Variants in PIEZO2 observed in about 807,000 individuals in gnomAD.
PIEZO2 encodes the protein piezo type mechanosensitive ion channel component 2.
A neutral mutation model predicts 337.3 loss-of-function variants in PIEZO2; 172 were observed. The ratio of observed to expected loss-of-function variants is 0.51; its 90% CI spans 0.45 to 0.58. The LOEUF is 0.58. Among genes scored for constraint, PIEZO2 ranks in the 20% least tolerant of loss-of-function variants. The pLI is 0.00. For synonymous variants in PIEZO2, 1,251 were observed against 1,228.5 expected (o/e 1.02, Z -0.38); for missense variants, 3,028 against 3,391.3 (o/e 0.89, Z 2.66).
chr18:10,914,988 TG>T (rs1306616789), intron 3 of PIEZO2, among the ~76,000 whole-genome samples: 2 of 149,726 alleles, frequency 1.3e-5, no homozygotes, highest in African/African-American at 4.9e-5. Context: ...AATCCAGCTC[TG>T]CCTGTCCATT....
intron 3 of PIEZO2, among the ~76,000 whole-genome samples, chr18:10,912,703 G>A (rs2145082794): frequency 6.6e-6 from 1 of 152,300 alleles, no homozygotes; most frequent in East Asian, 1.9e-4. Flanking sequence ...AGAGGAGTAG[G>A]AGGCCCCAGG....
rs1215823381 is a variant in PIEZO2, at chr18:10,986,377, A to T, written c.161-6717T>A. On this transcript the variant is annotated intron_variant, in intron 2 of 55. Coordinates refer to ENST00000674853, the MANE Select transcript of PIEZO2 (RefSeq NM_001378183.1). ...CTGAATTCAATGACACATTAAAAGGATTATATACCATAATCAAGTGGAATT... is the reference window on the plus strand; with the variant it reads ...CTGAATTCAATGACACATTAAAAGGTTTATATACCATAATCAAGTGGAATT... Among the ~76,000 whole-genome samples the T allele has an allele frequency of 2.6e-5, 4 of 152,040 alleles. No individual in the cohort carries two copies. In the East Asian group the frequency reaches 7.7e-4, roughly 29 times the overall value.
rs1348277263 is a variant in PIEZO2, at chr18:10,945,061, A to G, written c.287-33833T>C. Among the ~76,000 whole-genome samples the G allele has an allele frequency of 6.6e-6, 1 of 152,160 alleles. No individual in the cohort carries two copies. The highest frequency in any genetic ancestry group is 1.5e-5 in the Non-Finnish European group (1 of 68,030). ...AATGCTACAGTTCACAGGAAAGAGTATTAGAGAATAGATTGCAGCACAGAA... is the reference window on the plus strand; with the variant it reads ...AATGCTACAGTTCACAGGAAAGAGTGTTAGAGAATAGATTGCAGCACAGAA... On this transcript the variant is annotated intron_variant, in intron 3 of 55. Coordinates refer to ENST00000674853, the MANE Select transcript of PIEZO2 (RefSeq NM_001378183.1). The surrounding 1 kb of genome is among the most constrained non-coding windows in gnomAD (Gnocchi z 4.0).
intron 11 of PIEZO2, among the ~76,000 whole-genome samples, chr18:10,799,878 C>G (rs915785741): frequency 6.6e-6 from 1 of 150,652 alleles, no homozygotes; most frequent in African/African-American, 2.4e-5. Context: ...GAGGCTGAGG[C>G]AGGAGAATGG....
chr18:10,775,018 C>T lies in PIEZO2; in HGVS notation c.2535-980G>A, dbSNP rs966943202. The stretch of plus-strand genomic sequence containing the variant: ...CATGCCTATCATTTTGGGTAACTGT[C>T]GTAAGGAATCCACATTGTCCCTACG... On this transcript the variant is annotated intron_variant, in intron 18 of 55. Coordinates refer to ENST00000674853, the MANE Select transcript of PIEZO2 (RefSeq NM_001378183.1). The surrounding 1 kb of genome is among the most constrained non-coding windows in gnomAD (Gnocchi z 4.3). 1.3e-5 allele frequency among the ~76,000 whole-genome samples: 2 copies of T among 152,152 alleles called. No homozygotes were observed. Among genetic ancestry groups the T allele is most frequent in the Admixed American group, 6.5e-5 (1 of 15,268 alleles).
chr18:10,974,053 G>A (rs2034344178), intron 3 of PIEZO2, among the ~76,000 whole-genome samples: 1 of 152,144 alleles, frequency 6.6e-6, no homozygotes, highest in Admixed American at 6.5e-5. Context: ...CAAGGGATGA[G>A]TCAGCACTTG....
In PIEZO2 at chr18:11,148,485, C is replaced by G. The variant is rs1194804658; in HGVS notation, c.64+40G>C. 3.9e-6 allele frequency: 6 copies of G among 1,534,144 alleles called. No individual in the cohort carries two copies. The highest frequency in any genetic ancestry group is 3.9e-5 in the Admixed American group (2 of 50,960). On this transcript the variant is annotated intron_variant, in intron 1 of 55. Coordinates refer to ENST00000674853, the MANE Select transcript of PIEZO2 (RefSeq NM_001378183.1). This position sits in a 1 kb window ranked among gnomAD's most constrained non-coding sequence, Gnocchi z 5.2. ...AAGTCCCCCACCCAGGCGCCCCCCT[C>G]GTCCTCCTCAAGTGCCCTCGGAAAG...
Position 11,149,530 on chromosome 18 carries a change from G to A in PIEZO2, c.-942C>T, listed in dbSNP as rs1232508507. ...CTTGCAGCCTCGCCCTCGCGGCGCAGCCGGGGCTCCCCGGCGGCGCGCGCT... is the reference window on the plus strand; with the variant it reads ...CTTGCAGCCTCGCCCTCGCGGCGCAACCGGGGCTCCCCGGCGGCGCGCGCT... On this transcript the variant is annotated 5_prime_UTR_variant, in exon 1 of 56. Coordinates refer to ENST00000674853, the MANE Select transcript of PIEZO2 (RefSeq NM_001378183.1). This position sits in a 1 kb window ranked among gnomAD's most constrained non-coding sequence, Gnocchi z 8.7. Among the ~76,000 whole-genome samples the A allele has an allele frequency of 6.6e-6, 1 of 151,710 alleles. No individual in the cohort carries two copies. The highest frequency in any genetic ancestry group is 1.5e-5 in the Non-Finnish European group (1 of 67,876).
At chr18:10,723,908 A>C (rs960610080) in intron 36 of PIEZO2, among the ~76,000 whole-genome samples, 1 of 152,190 alleles carries the variant, frequency 6.6e-6, no homozygotes, top group African/African-American at 2.4e-5. Context: ...TGGCATAAGC[A>C]TGGGGCCCTC....
rs2034168093 is a variant in PIEZO2 at position 10,969,933 on chromosome 18, A to T, written c.286+9602T>A. ...TCCTTTTTTTGGCTGCTATTAATTC[A>T]TTTATTCATTCTTCAATTGTTGGGC... On this transcript the variant is annotated intron_variant, in intron 3 of 55. Transcript: ENST00000674853. This position sits in a 1 kb window ranked among gnomAD's most constrained non-coding sequence, Gnocchi z 4.5. 1.3e-5 allele frequency among the ~76,000 whole-genome samples: 2 copies of T among 151,974 alleles called. No individual in the cohort carries two copies. The highest frequency in any genetic ancestry group is 4.8e-5 in the African/African-American group (2 of 41,376).
chr18:10,731,651 A>G, intron 35 of PIEZO2, 130 bp from the exon 36 acceptor site: 1 of 482,074 alleles, frequency 2.1e-6, no homozygotes. Flanking sequence ...GGCTATTTTT[A>G]TTATCATGAG....
rs974702282 is a variant in PIEZO2, at chr18:10,873,539, G to A, written c.330-2124C>T. Among the ~76,000 whole-genome samples, 6 of 152,174 alleles carry A rather than the reference G, an allele frequency of 3.9e-5. No homozygotes were observed. The East Asian group carries it at 9.7e-4, about 24-fold the overall frequency. ...ATTATTTACCTACTGTTTGCAAGCT[G>A]ATTTGTTCATTTAACATGTCATTAA... On this transcript the variant is annotated intron_variant, in intron 4 of 55. Coordinates refer to ENST00000674853, the MANE Select transcript of PIEZO2 (RefSeq NM_001378183.1).
intron 36 of PIEZO2, among the ~76,000 whole-genome samples, chr18:10,723,290 A>T (rs922418560): frequency 2.6e-5 from 4 of 152,080 alleles, no homozygotes; most frequent in African/African-American, 9.7e-5. Flanking sequence ...GATTAACTGT[A>T]TTGGGTGCTG....
chr18:11,107,915 G>A (rs984933488), intron 1 of PIEZO2, among the ~76,000 whole-genome samples: 4 of 152,244 alleles, frequency 2.6e-5, no homozygotes, highest in South Asian at 2.1e-4. Context: ...CACAGTATAC[G>A]TTACTAAACT....
Position 11,035,988 on chromosome 18 carries a change from A to C in PIEZO2, c.160+30139T>G, listed in dbSNP as rs7231758. On this transcript the variant is annotated intron_variant, in intron 2 of 55. Transcript: ENST00000674853. The surrounding 1 kb of genome is among the most constrained non-coding windows in gnomAD (Gnocchi z 4.3). ...TGAAGCACAGGTGCTCAGTTGGGGC[A>C]CACCTTGGAGTCACCTGGGATCTGT... 0.22 allele frequency among the ~76,000 whole-genome samples: 33,326 copies of C among 152,104 alleles called. 4,421 individuals carry two copies. Among genetic ancestry groups the C allele is most frequent in the African/African-American group, 0.37 (15,389 of 41,462 alleles).
chr18:10,725,091 G>A (rs541221269), intron 36 of PIEZO2: 41 of 1,497,186 alleles, frequency 2.7e-5, no homozygotes, highest in Non-Finnish European at 3.3e-5. Context: ...TCTTTCAGTC[G>A]CATTACACCT....
In PIEZO2 at chr18:10,672,833, G is replaced by T. The variant is rs2033839015; in HGVS notation, c.8202C>A (p.Asp2734Glu). ...ACTCACTGTTATATTTAGTTGTATT[G>T]TCTCTGGACAAAATGATGGTAATAT... is the stretch of plus-strand genomic sequence containing the variant. ...FMDITIILSR[D>E]NTTKYNSEWW... Residue 2734 changes from aspartate (D) to glutamate (E), a missense_variant, in exon 55 of 56, where the codon GAC (aspartate) becomes GAA (glutamate). By Grantham distance (45) the Asp-to-Glu change is conservative. Coordinates refer to ENST00000674853, the MANE Select transcript of PIEZO2 (RefSeq NM_001378183.1). This position sits in a 1 kb window ranked among gnomAD's most constrained non-coding sequence, Gnocchi z 4.7. 1 of 1,610,420 alleles carries T rather than the reference G, an allele frequency of 6.2e-7. No individual in the cohort carries two copies. The highest frequency in any genetic ancestry group is 8.5e-7 in the Non-Finnish European group (1 of 1,178,138).
chr18:10,893,460 T>C (rs2042811408), intron 4 of PIEZO2, among the ~76,000 whole-genome samples: 4 of 152,152 alleles, frequency 2.6e-5, no homozygotes. Context: ...CTTTAATTCA[T>C]CAAGATGAAT....
chr18:10,852,059 C>T (rs1297517049), intron 7 of PIEZO2, among the ~76,000 whole-genome samples: 1 of 152,050 alleles, frequency 6.6e-6, no homozygotes, highest in Non-Finnish European at 1.5e-5. Context: ...TTCAGCAGTA[C>T]AAAACTTTTT....
Sources: allele counts gnomAD v4.1 joint callset (sites outside exome capture counted in the v4.1 genomes callset), GRCh38; gene constraint gnomAD v4.1.1; non-coding constraint Gnocchi (gnomAD v3.1); transcripts MANE v1.5; gene names NCBI Gene and HGNC (gene_info 2026-07-23, HGNC 2026-07-21).